The following CSMD2 variants were observed in gnomAD, a reference collection of about 807,000 sequenced individuals.
CSMD2 encodes CUB and sushi domain-containing protein 2.
In CSMD2, 130 loss-of-function variants were observed where a neutral mutation model predicts 398.5. The observed-to-expected ratio is 0.33, with a 90% CI of 0.28 to 0.38. CSMD2 has a LOEUF of 0.38. Among genes scored for constraint, CSMD2 ranks in the 10% least tolerant of loss-of-function variants. The probability of loss-of-function intolerance (pLI) is 1.00; values close to 1 mark genes in which losing one functional copy is unlikely to be tolerated. For synonymous variants in CSMD2, 1,828 were observed against 1,908.5 expected, an observed-to-expected ratio of 0.96 and a Z score of 1.10; for missense variants, 3,829 against 4,764.9, an observed-to-expected ratio of 0.80 and a Z score of 5.78.
chr1:33,640,910 G>A (rs1000292730), intron 29 of CSMD2, among the ~76,000 whole-genome samples: 1 of 152,156 alleles, frequency 6.6e-6, no homozygotes, highest in African/African-American at 2.4e-5. Flanking sequence ...GGCCCACAGT[G>A]TTACTTCCAA....
chr1:33,861,399 C>G (rs1183579770), intron 5 of CSMD2: 1 of 152,166 alleles, frequency 6.6e-6, no homozygotes, highest in South Asian at 2.1e-4. Flanking sequence ...AACAGAAACC[C>G]TGTGGTTCAC....
At chr1:33,526,167 G>A (rs1421895601) in intron 65 of CSMD2, among the ~76,000 whole-genome samples, 2 of 152,144 alleles carry the variant, frequency 1.3e-5, no homozygotes, top group South Asian at 2.1e-4. Flanking sequence ...GATATAGAGA[G>A]GGAACTAGAA....
intron 37 of CSMD2, 90 bp downstream of exon 37, chr1:33,622,077 C>T (rs1641808871): frequency 5.3e-6 from 5 of 936,558 alleles, no homozygotes; most frequent in Non-Finnish European, 8.7e-6. Context: ...GGACAATATG[C>T]AGCTCCAGTT....
At chr1:33,652,533 C>A in intron 27 of CSMD2, 72 bp from the exon 28 acceptor site, 1 of 1,563,532 alleles carries the variant, frequency 6.4e-7, no homozygotes, top group South Asian at 1.1e-5. Flanking sequence ...GTTGCTAATG[C>A]ACTATTGAGA....
chr1:34,136,633 A>G (rs1638780580), intron 1 of CSMD2, among the ~76,000 whole-genome samples: 2 of 152,156 alleles, frequency 1.3e-5, no homozygotes, highest in East Asian at 1.9e-4. Context: ...TCGCTTGTCA[A>G]TTCCCATGAT....
At chr1:34,098,344 C>T (rs1285428087) in intron 1 of CSMD2, among the ~76,000 whole-genome samples, 1 of 143,422 alleles carries the variant, frequency 7.0e-6, no homozygotes, top group African/African-American at 2.6e-5. Context: ...AGCACACCAG[C>T]ATGGCACATG....
rs570349845 is a variant in CSMD2 at position 34,038,463 on chromosome 1, T to C, written c.405-5757A>G. ...CTGCTTTACATCAGCCTTATTGTCT[T>C]CTCATTTTCTCCACTGTCTTTTCTT... On this transcript the variant is annotated intron_variant, in intron 2 of 70. Coordinates refer to ENST00000373381, the MANE Select transcript of CSMD2 (RefSeq NM_001281956.2). 7.2e-5 allele frequency among the ~76,000 whole-genome samples: 11 copies of C among 152,352 alleles called. No homozygotes were observed. The East Asian group carries it at 1.9e-3, about 27-fold the overall frequency.
At position 34,164,843 on chromosome 1, in the gene CSMD2, G is replaced by A. The variant is rs1286065189; in HGVS notation, c.187+68C>T. 1.7e-6 allele frequency: 2 copies of A among 1,147,574 alleles called. No homozygotes were observed. Among genetic ancestry groups the A allele is most frequent in the East Asian group, 3.8e-5 (1 of 26,654 alleles). 71.1% of individuals were successfully genotyped at this position (1,147,574 alleles called of 1,614,324 possible). A position where few individuals can be genotyped will look rare whatever the true frequency, so the allele number is the denominator to read the frequency against. On this transcript the variant is annotated intron_variant, in intron 1 of 70. Transcript: ENST00000373381. This position sits in a 1 kb window ranked among gnomAD's most constrained non-coding sequence, Gnocchi z 6.2. ...GGGGAGGGACTGGGACCGGGTCGAG[G>A]ATGGGTGGGCTCGGGGCTCGGGTGG...
chr1:33,686,732 G>A (rs1399435463), intron 25 of CSMD2, among the ~76,000 whole-genome samples: 1 of 152,180 alleles, frequency 6.6e-6, no homozygotes, highest in Admixed American at 6.5e-5. Context: ...AGATGCATCT[G>A]CAAGCCTTCT....
intron 15 of CSMD2, among the ~76,000 whole-genome samples, chr1:33,730,392 T>A (rs1646680848): frequency 1.3e-5 from 2 of 152,206 alleles, no homozygotes; most frequent in South Asian, 4.1e-4. Flanking sequence ...ATACCTTTTT[T>A]ATATATTTAG....
chr1:33,812,660 T>TCTCC (rs3072764), intron 9 of CSMD2, among the ~76,000 whole-genome samples: 2 of 151,940 alleles, frequency 1.3e-5, no homozygotes, highest in East Asian at 1.9e-4. Context: ...TTAGAAAATC[T>TCTCC]GATTTTGTTT....
chr1:34,109,504 C>G (rs1400347662), intron 1 of CSMD2, among the ~76,000 whole-genome samples: 1 of 152,140 alleles, frequency 6.6e-6, no homozygotes, highest in African/African-American at 2.4e-5. Flanking sequence ...CCTACGTTGT[C>G]CCCCAGAGTT....
chr1:33,920,794 G>C (rs757653712), intron 4 of CSMD2, among the ~76,000 whole-genome samples: 2 of 152,146 alleles, frequency 1.3e-5, no homozygotes, highest in Non-Finnish European at 2.9e-5. Flanking sequence ...ACAAGGTGGG[G>C]GCCTCTTGAA....
intron 2 of CSMD2, among the ~76,000 whole-genome samples, chr1:34,085,106 C>G (rs1399984979): frequency 6.6e-6 from 1 of 152,140 alleles, no homozygotes; most frequent in Non-Finnish European, 1.5e-5. Context: ...TGGAAACCAT[C>G]ATTCTCAGCA....
chr1:33,647,484 C>T (rs569654671), intron 28 of CSMD2, among the ~76,000 whole-genome samples: 1 of 152,300 alleles, frequency 6.6e-6, no homozygotes, highest in Admixed American at 6.5e-5. Context: ...ATTTATCCCA[C>T]TGGAATGGCT....
At chr1:33,979,197 C>G (rs1646076015) in intron 3 of CSMD2, among the ~76,000 whole-genome samples, 1 of 152,178 alleles carries the variant, frequency 6.6e-6, no homozygotes, top group Non-Finnish European at 1.5e-5. Context: ...AGATCCCCTG[C>G]CAGTGAGATG....
At chr1:33,747,869 C>T (rs1303016699) in intron 13 of CSMD2, among the ~76,000 whole-genome samples, 2 of 152,180 alleles carry the variant, frequency 1.3e-5, no homozygotes, top group Non-Finnish European at 2.9e-5. Flanking sequence ...AAAAAGTTCC[C>T]CAGGTGATCC....
intron 1 of CSMD2, among the ~76,000 whole-genome samples, chr1:34,145,562 A>C (rs1054381867): frequency 6.6e-6 from 1 of 152,232 alleles, no homozygotes; most frequent in African/African-American, 2.4e-5. Flanking sequence ...ACCTGAAAAC[A>C]CAGAAATAGA....
intron 44 of CSMD2, chr1:33,600,008 T>C (rs1640105951): frequency 3.2e-6 from 2 of 619,500 alleles, no homozygotes; most frequent in Non-Finnish European, 5.9e-6. Flanking sequence ...GGGCAAGTAC[T>C]TGAGCCTTCC....
Sources: gnomAD v4.1 joint callset for allele counts (sites outside exome capture counted in the v4.1 genomes callset) on GRCh38, gnomAD v4.1.1 for gene constraint, Gnocchi (gnomAD v3.1) non-coding constraint, MANE v1.5 for transcripts, NCBI Gene and HGNC (gene_info 2026-07-23, HGNC 2026-07-21) for gene names.